Variants in MTUS2 observed in about 807,000 individuals in gnomAD.
The protein encoded by MTUS2 is microtubule associated scaffold protein 2.
MTUS2 carries 40 observed loss-of-function variants against 114.1 expected under a neutral mutation model. The observed-to-expected ratio is 0.35, with a 90% confidence interval of 0.27 to 0.46. The LOEUF is 0.46. MTUS2 is among the 20% of genes least tolerant of loss of function. The probability of loss-of-function intolerance (pLI) is 1.00; values close to 1 mark genes in which losing one functional copy is unlikely to be tolerated. For synonymous variants in MTUS2, 688 were observed against 672.0 expected (o/e 1.02, Z -0.37); for missense variants, 1,679 against 1,705.4 (o/e 0.98, Z 0.27).
chr13:29,014,070 T>C lies in MTUS2; in HGVS notation c.-242-10387T>C, dbSNP rs544677864. ...ACACTGTGTGTTTTAAGCCATTCGA[T>C]GCTCAGTAAATCAGGTCCATCTCAG... On this transcript the variant is annotated intron_variant, in intron 2 of 15. Transcript: ENST00000612955. Among the ~76,000 whole-genome samples the C allele has an allele frequency of 5.9e-5, 9 of 152,326 alleles. No homozygotes were observed. The East Asian group carries it at 1.7e-3, about 29-fold the overall frequency.
chr13:29,504,515 G>A lies in MTUS2; in HGVS notation c.*1309G>A, dbSNP rs960742884. The A allele has an allele frequency of 8.6e-6, 2 of 232,454 alleles. No homozygotes were observed. The highest frequency in any genetic ancestry group is 1.7e-5 in the Non-Finnish European group (2 of 117,774). The allele number at this position is 232,454 out of a possible 1,614,324, so 14.4% of individuals were successfully genotyped here. A position where few individuals can be genotyped will look rare whatever the true frequency, so the allele number is the denominator to read the frequency against. On this transcript the variant is annotated 3_prime_UTR_variant, in exon 16 of 16. Transcript: ENST00000612955. ...TGATCAGGCAACGCTGCTGCTGACC[G>A]TGCTCCCATCTTAGACCCAGAAGGT... is the stretch of plus-strand genomic sequence containing the variant.
chr13:29,127,143 C>G (rs1891554101), intron 5 of MTUS2, among the ~76,000 whole-genome samples: 1 of 152,162 alleles, frequency 6.6e-6, no homozygotes, highest in South Asian at 2.1e-4. Context: ...GCCTTAAAAC[C>G]TTAGCTTTAG....
chr13:29,179,763 G>T (rs1277412683), intron 5 of MTUS2, among the ~76,000 whole-genome samples: 1 of 152,138 alleles, frequency 6.6e-6, no homozygotes, highest in Non-Finnish European at 1.5e-5. Context: ...CTTATACTTT[G>T]TACCAGCTCA....
intron 4 of MTUS2, among the ~76,000 whole-genome samples, chr13:29,092,528 G>A (rs959868769): frequency 6.6e-6 from 1 of 152,154 alleles, no homozygotes; most frequent in African/African-American, 2.4e-5. Flanking sequence ...GATTGTCAGA[G>A]TAACCTTATT....
chr13:29,439,400 T>C (rs999996303), intron 8 of MTUS2, among the ~76,000 whole-genome samples: 3 of 152,254 alleles, frequency 2.0e-5, no homozygotes, highest in Non-Finnish European at 4.4e-5. Context: ...TTTCCTTTTT[T>C]CATCTATTGA....
intron 2 of MTUS2, among the ~76,000 whole-genome samples, chr13:28,973,289 A>T (rs1005791097): frequency 6.6e-6 from 1 of 152,208 alleles, no homozygotes; most frequent in African/African-American, 2.4e-5. Context: ...CTCCATGGAC[A>T]TGAGAGGTAT....
At chr13:29,400,613 A>T (rs1195626348) in intron 8 of MTUS2, among the ~76,000 whole-genome samples, 1 of 152,218 alleles carries the variant, frequency 6.6e-6, no homozygotes, top group Non-Finnish European at 1.5e-5. Flanking sequence ...CATGGACTGA[A>T]TAGAGGGTCA....
intron 8 of MTUS2, among the ~76,000 whole-genome samples, chr13:29,436,354 C>T (rs950552193): frequency 6.6e-6 from 1 of 152,130 alleles, no homozygotes; most frequent in African/African-American, 2.4e-5. Flanking sequence ...CATAGAGTCC[C>T]AGTTTCCTCC....
At position 29,383,060 on chromosome 13, in the gene MTUS2, T is replaced by C. The variant is rs143307638; in HGVS notation, c.3117+23587T>C. Among the ~76,000 whole-genome samples, 575 of 151,370 alleles carry C rather than the reference T, an allele frequency of 3.8e-3. 2 individuals are homozygous for C. The highest frequency in any genetic ancestry group is 0.01 in the Admixed American group (159 of 15,186). Reference sequence around the variant, plus strand: ...TTGCAGTGCACCTATTTGATAATATTGGGCCACAGAGTCTAGCCACTTAAC... The same window carrying C: ...TTGCAGTGCACCTATTTGATAATATCGGGCCACAGAGTCTAGCCACTTAAC... On this transcript the variant is annotated intron_variant, in intron 8 of 15. Coordinates refer to ENST00000612955, the MANE Select transcript of MTUS2 (RefSeq NM_001033602.4).
intron 12 of MTUS2, among the ~76,000 whole-genome samples, chr13:29,493,854 G>C (rs951241084): frequency 6.6e-6 from 1 of 152,142 alleles, no homozygotes; most frequent in African/African-American, 2.4e-5. Flanking sequence ...GTCTTGTCTG[G>C]GAGTCTGCGC....
intron 9 of MTUS2, among the ~76,000 whole-genome samples, chr13:29,448,567 C>T (rs1227075468): frequency 1.3e-5 from 2 of 151,840 alleles, no homozygotes; most frequent in Admixed American, 1.3e-4. Flanking sequence ...CTGGACAAAG[C>T]TGCCTCCTGT....
At chr13:28,941,939 A>C (rs1043985159) in intron 2 of MTUS2, among the ~76,000 whole-genome samples, 1 of 152,208 alleles carries the variant, frequency 6.6e-6, no homozygotes, top group African/African-American at 2.4e-5. Flanking sequence ...CGTCTTTCAA[A>C]TGTTGATGCA....
intron 4 of MTUS2, among the ~76,000 whole-genome samples, chr13:29,077,892 A>G (rs1056177823): frequency 6.6e-6 from 1 of 152,242 alleles, no homozygotes; most frequent in Non-Finnish European, 1.5e-5. Flanking sequence ...TTGTAACATT[A>G]CAGAGTCATT....
chr13:28,967,818 G>A (rs1883666364), intron 2 of MTUS2, among the ~76,000 whole-genome samples: 1 of 152,184 alleles, frequency 6.6e-6, no homozygotes, highest in Non-Finnish European at 1.5e-5. Flanking sequence ...ATGAGTCTGT[G>A]TATATAGAGA....
rs200030623 is a variant in MTUS2, at chr13:29,281,722, A to G, written c.2663A>G (p.Glu888Gly). ...RPATRSTFGNEEQPVLKASLP... is the reference protein window; with the variant it reads ...RPATRSTFGNGEQPVLKASLP... ...CCCACAGGTTCAACCTTTGGGAATG[A>G]AGAACAGCCAGTTCTGAAGGCATCT... The change falls in exon 6 of 16, where the codon GAA becomes GGA. Residue 888 changes from glutamate to glycine, a missense_variant. Glu to Gly is a moderately conservative substitution (Grantham distance 98). Transcript: ENST00000612955. The G allele has an allele frequency of 6.2e-7, 1 of 1,608,898 alleles. No homozygotes were observed. The highest frequency in any genetic ancestry group is 2.2e-5 in the East Asian group (1 of 44,662).
chr13:29,491,142 ATG>A (rs141549133), intron 11 of MTUS2, among the ~76,000 whole-genome samples: 3,526 of 145,946 alleles, frequency 0.024, 65 homozygotes, highest in Middle Eastern at 0.064. Context: ...GTGTGTGTAT[ATG>A]TGTGGTGTGT....
chr13:28,933,030 T>C (rs1192282423), intron 2 of MTUS2, among the ~76,000 whole-genome samples: 1 of 152,152 alleles, frequency 6.6e-6, no homozygotes, highest in Non-Finnish European at 1.5e-5. Context: ...CATTGTGTTG[T>C]GTGTCTCCTG....
chr13:29,330,674 C>A (rs571023256), intron 7 of MTUS2, among the ~76,000 whole-genome samples: 6 of 152,244 alleles, frequency 3.9e-5, no homozygotes, highest in Admixed American at 1.3e-4. Flanking sequence ...TTTCCCAACA[C>A]CATTTATTAA....
intron 4 of MTUS2, among the ~76,000 whole-genome samples, chr13:29,079,320 A>G (rs1028517485): frequency 6.6e-6 from 1 of 151,938 alleles, no homozygotes; most frequent in Non-Finnish European, 1.5e-5. Flanking sequence ...TACATGTTGG[A>G]TATTAGACAC....
Sources: allele counts gnomAD v4.1 joint callset (sites outside exome capture counted in the v4.1 genomes callset), GRCh38; gene constraint gnomAD v4.1.1; transcripts MANE v1.5; gene names NCBI Gene and HGNC (gene_info 2026-07-23, HGNC 2026-07-21).